Variants in DMTN observed in about 807,000 individuals in gnomAD.
DMTN encodes dematin actin binding protein, also known as dematin.
A neutral mutation model predicts 59.4 loss-of-function variants in DMTN; 27 were observed. The ratio of observed to expected loss-of-function variants is 0.45; its 90% CI spans 0.33 to 0.63. The LOEUF (loss-of-function observed/expected upper bound fraction) is 0.63, where lower values mean the gene tolerates loss of function less well. Ranked by LOEUF, DMTN falls within the 20% of genes least tolerant of loss-of-function variation. The pLI, the probability that DMTN is intolerant of heterozygous loss-of-function variation, is 0.02. For synonymous variants in DMTN, 221 were observed against 203.7 expected (o/e 1.08, Z -0.72); for missense variants, 451 against 528.9 (o/e 0.85, Z 1.45).
Position 22,058,510 on chromosome 8 carries a change from C to T in DMTN, c.-172+1374C>T, listed in dbSNP as rs1313355509. On this transcript the variant is annotated intron_variant, in intron 1 of 15. Transcript: ENST00000358242. This position sits in a 1 kb window ranked among gnomAD's most constrained non-coding sequence, Gnocchi z 4.3. ...GTGGGTGGAGAGGGCACATAGAAACCAAACCAGAGAGAGACCTAGGAGAAG... is the reference window on the plus strand; with the variant it reads ...GTGGGTGGAGAGGGCACATAGAAACTAAACCAGAGAGAGACCTAGGAGAAG... 6.6e-6 allele frequency among the ~76,000 whole-genome samples: 1 copy of T among 152,170 alleles called. No individual in the cohort carries two copies. Among genetic ancestry groups the T allele is most frequent in the East Asian group, 1.9e-4 (1 of 5,192 alleles).
rs1803766903 is a variant in DMTN at position 22,058,150 on chromosome 8, G to A, written c.-172+1014G>A. Among the ~76,000 whole-genome samples, 1 of 152,158 alleles carries A rather than the reference G, an allele frequency of 6.6e-6. No homozygotes were observed. Among genetic ancestry groups the A allele is most frequent in the African/African-American group, 2.4e-5 (1 of 41,434 alleles). ...GGCTTCGGAGTCTCCCCGCGTGCAT[G>A]CGTCCTGCAACGGTTTCAGCGCGGG... On this transcript the variant is annotated intron_variant, in intron 1 of 15. Transcript: ENST00000358242. This position sits in a 1 kb window ranked among gnomAD's most constrained non-coding sequence, Gnocchi z 4.3.
At chr8:22,067,203 G>C (rs752649320) in intron 3 of DMTN, 44 bp downstream of exon 3, 1 of 1,589,312 alleles carries the variant, frequency 6.3e-7, no homozygotes, top group Admixed American at 1.7e-5. Flanking sequence ...GCTGGGAGGG[G>C]GGAGGGTGGG....
chr8:22,067,609 C>T lies in DMTN; in HGVS notation c.176C>T (p.Pro59Leu). The T allele has an allele frequency of 1.9e-6, 3 of 1,614,170 alleles. No homozygotes were observed. The highest frequency in any genetic ancestry group is 2.5e-6 in the Non-Finnish European group (3 of 1,180,040). The change falls in exon 4 of 16, where the codon CCC (proline) becomes CTC (leucine). Residue 59 changes from proline to leucine, a missense_variant. Physicochemically the swap from Pro to Leu is moderately conservative, Grantham distance 98 (BLOSUM62 -3). Coordinates refer to ENST00000358242, the MANE Select transcript of DMTN (RefSeq NM_001387751.1). ...AAGGCCATCCTGGACATCGAGCGGC[C>T]CGACCTCATGATCTACGAGCCTCAC... ...KDKAILDIER[P>L]DLMIYEPHFT...
chr8:22,056,621 T>C (rs990420651), upstream of DMTN, among the ~76,000 whole-genome samples: 1 of 151,636 alleles, frequency 6.6e-6, no homozygotes, highest in African/African-American at 2.4e-5. Context: ...GAGAGGACAG[T>C]GCTGGCTGAT....
chr8:22,078,497 C>T (rs1401621497), intron 10 of DMTN, among the ~76,000 whole-genome samples: 1 of 12,026 alleles, frequency 8.3e-5, no homozygotes, highest in Non-Finnish European at 2.3e-4. Context: ...ACTATTTATA[C>T]AAAAATGCTT....
chr8:22,059,757 G>C (rs1422604266), intron 1 of DMTN, among the ~76,000 whole-genome samples: 5 of 152,238 alleles, frequency 3.3e-5, no homozygotes, highest in Non-Finnish European at 1.5e-5. Flanking sequence ...AGCAGGTAGT[G>C]GTTGGCTGGA....
chr8:22,063,961 T>C (rs566108685), intron 1 of DMTN, among the ~76,000 whole-genome samples: 1 of 152,350 alleles, frequency 6.6e-6, no homozygotes, highest in South Asian at 2.1e-4. Context: ...TCTGTGTTCA[T>C]TGCAGAATAG....
At chr8:22,071,081 AT>A (rs1554550378) in intron 8 of DMTN, among the ~76,000 whole-genome samples, 1 of 16,300 alleles carries the variant, frequency 6.1e-5, no homozygotes, top group African/African-American at 9.1e-5. Flanking sequence ...TTGTATTTTT[AT>A]TTTATTTATT....
chr8:22,067,500 C>T (rs2130921900), intron 3 of DMTN, 27 bp from the exon 4 acceptor site: 1 of 1,613,242 alleles, frequency 6.2e-7, no homozygotes, highest in Non-Finnish European at 8.5e-7. Context: ...TTCGGCACAG[C>T]AGTTTCACGC....
chr8:22,054,123 C>G (rs868122085), upstream of DMTN, among the ~76,000 whole-genome samples: 1 of 136,926 alleles, frequency 7.3e-6, no homozygotes, highest in African/African-American at 3.7e-5. Flanking sequence ...CACACACACA[C>G]AGACACACAC....
intron 1 of DMTN, among the ~76,000 whole-genome samples, chr8:22,063,199 A>G (rs1462527022): frequency 6.6e-6 from 1 of 152,048 alleles, no homozygotes; most frequent in African/African-American, 2.4e-5. Context: ...TCAGACTTGC[A>G]GCCTCCTTCA....
In DMTN at chr8:22,058,517, G is replaced by C. The variant is rs1436360700; in HGVS notation, c.-172+1381G>C. Among the ~76,000 whole-genome samples the C allele has an allele frequency of 6.6e-6, 1 of 152,222 alleles. No homozygotes were observed. The highest frequency in any genetic ancestry group is 1.9e-4 in the East Asian group (1 of 5,198). On this transcript the variant is annotated intron_variant, in intron 1 of 15. Transcript: ENST00000358242. The surrounding 1 kb of genome is among the most constrained non-coding windows in gnomAD (Gnocchi z 4.3). ...GAGAGGGCACATAGAAACCAAACCA[G>C]AGAGAGACCTAGGAGAAGATGGCTG...
At chr8:22,062,866 T>C (rs1449086595) in intron 1 of DMTN, among the ~76,000 whole-genome samples, 1 of 149,886 alleles carries the variant, frequency 6.7e-6, no homozygotes, top group Non-Finnish European at 1.5e-5. Context: ...ATCAGACCCT[T>C]TGCTGAAAAC....
intron 6 of DMTN, 117 bp downstream of exon 6, chr8:22,069,635 G>A: frequency 1.1e-6 from 1 of 941,336 alleles, no homozygotes; most frequent in Non-Finnish European, 1.6e-6. Context: ...GGGCTAAGTA[G>A]GCCCCAGGAG....
At chr8:22,069,834 C>G in intron 6 of DMTN, 47 bp from the exon 7 acceptor site, 2 of 1,602,510 alleles carry the variant, frequency 1.2e-6, no homozygotes, top group Non-Finnish European at 1.7e-6. Context: ...GCCCCAGCCT[C>G]CCTGCCATCA....
rs1478207207 is a variant in DMTN, at chr8:22,066,845, C to A, written c.-31C>A. The A allele has an allele frequency of 1.4e-6, 2 of 1,414,578 alleles. No homozygotes were observed. The highest frequency in any genetic ancestry group is 3.0e-5 in the African/African-American group (2 of 67,056). 87.6% of individuals were successfully genotyped at this position (1,414,578 alleles called of 1,614,324 possible). On this transcript the variant is annotated 5_prime_UTR_variant, in exon 2 of 16. Transcript: ENST00000358242. ...CTCTCCCCTCGCGCACAGGGCTCTGCGAGTGACCCGGCGGGCGAGCTCCGT... is the reference window on the plus strand; with the variant it reads ...CTCTCCCCTCGCGCACAGGGCTCTGAGAGTGACCCGGCGGGCGAGCTCCGT...
At position 22,081,388 on chromosome 8, in the gene DMTN, C is replaced by G; in HGVS notation, c.1143C>G (p.Ala381=). The G allele has an allele frequency of 6.2e-7, 1 of 1,614,122 alleles. No homozygotes were observed. Among genetic ancestry groups the G allele is most frequent in the Admixed American group, 1.7e-5 (1 of 60,026 alleles). ...LSAEDFSRVF[A]MSPEEFGKLA... is the part of the protein sequence containing the mutation. ...CCGAGGACTTCTCAAGGGTATTTGCCATGTCCCCTGAAGAGTTTGGCAAGC... is the reference window on the plus strand; with the variant it reads ...CCGAGGACTTCTCAAGGGTATTTGCGATGTCCCCTGAAGAGTTTGGCAAGC... Residue 381 remains alanine (A), a synonymous_variant, in exon 16 of 16, where the codon GCC becomes GCG. Transcript: ENST00000358242.
At chr8:22,049,206 C>T (rs1271454763), upstream of DMTN, 23 of 137,304 alleles carry the variant, frequency 1.7e-4, no homozygotes, top group African/African-American at 6.3e-4. Context: ...CCTCGGGCAG[C>T]GAGATTGCTT....
Position 22,081,150 on chromosome 8 carries a change from G to A in DMTN, c.1061G>A (p.Gly354Glu). 1 of 1,611,968 alleles carries A rather than the reference G, an allele frequency of 6.2e-7. No homozygotes were observed. The highest frequency in any genetic ancestry group is 1.1e-5 in the South Asian group (1 of 90,974). The change falls in exon 15 of 16, where the codon GGG becomes GAG. Residue 354 changes from glycine to glutamate, a missense_variant. Physicochemically the swap from Gly to Glu is moderately conservative, Grantham distance 98. Transcript: ENST00000358242. ...PYEMLVVTNK[G>E]RTKLPPGVDR... ...GAAATGCTAGTGGTGACCAACAAGG[G>A]GCGAACCAAGCTGCCACCGGGGGTG...
Sources: allele counts gnomAD v4.1 joint callset (sites outside exome capture counted in the v4.1 genomes callset), GRCh38; gene constraint gnomAD v4.1.1; non-coding constraint Gnocchi (gnomAD v3.1); transcripts MANE v1.5; gene names NCBI Gene and HGNC (gene_info 2026-07-23, HGNC 2026-07-21).